Variants in RAPH1 observed in about 807,000 individuals in gnomAD.
RAPH1 encodes the protein ras-associated and pleckstrin homology domains-containing protein 1.
RAPH1 carries 18 observed loss-of-function variants against 88.1 expected under a neutral mutation model. The observed-to-expected ratio is 0.20, with a 90% confidence interval of 0.14 to 0.30. The LOEUF is 0.30. Ranked by LOEUF, RAPH1 falls within the 10% of genes least tolerant of loss-of-function variation. The pLI is 1.00. For missense variants in RAPH1, 1,448 were observed against 1,543.2 expected (o/e 0.94, Z 1.03); for synonymous variants, 587 against 559.0 (o/e 1.05, Z -0.71).
chr2:203,520,970 C>T (rs1689840463), intron 1 of RAPH1, among the ~76,000 whole-genome samples: 1 of 152,178 alleles, frequency 6.6e-6, no homozygotes, highest in Non-Finnish European at 1.5e-5. Context: ...AAAATCGGCT[C>T]ATTCTGATAA....
At chr2:203,509,199 T>C (rs1689224914) in intron 1 of RAPH1, among the ~76,000 whole-genome samples, 1 of 150,998 alleles carries the variant, frequency 6.6e-6, no homozygotes, top group Non-Finnish European at 1.5e-5. Context: ...GCCTCCTGAG[T>C]AGCTGGGATT....
At chr2:203,457,638 AAAG>A (rs748218078) in intron 7 of RAPH1, 43 bp from the exon 8 acceptor site, 34 of 1,369,924 alleles carry the variant, frequency 2.5e-5, no homozygotes, top group Non-Finnish European at 3.1e-5. Context: ...GGAGAGAAAA[AAAG>A]AAGGTTAAAG....
intron 4 of RAPH1, among the ~76,000 whole-genome samples, chr2:203,473,192 AG>A (rs963632723): frequency 2.2e-4 from 34 of 152,346 alleles, no homozygotes; most frequent in Admixed American, 5.9e-4. Flanking sequence ...AGGCTCAGAT[AG>A]GAGGACCACT....
intron 4 of RAPH1, among the ~76,000 whole-genome samples, chr2:203,469,173 A>G (rs1195759437): frequency 6.6e-6 from 1 of 152,202 alleles, no homozygotes; most frequent in Non-Finnish European, 1.5e-5. Context: ...AGCTGAAGAT[A>G]CAAGTGTGGA....
In RAPH1 at chr2:203,438,053, C is replaced by T. The variant is rs1182054446; in HGVS notation, c.*1384G>A. On this transcript the variant is annotated 3_prime_UTR_variant, in exon 14 of 14. Coordinates refer to ENST00000319170, the MANE Select transcript of RAPH1 (RefSeq NM_213589.3). Reference sequence around the variant, plus strand: ...AGAAGTATAGTGTGTCGTTAGAGCACTGACTCCACGTTATACCAAACTGCA... The same window carrying T: ...AGAAGTATAGTGTGTCGTTAGAGCATTGACTCCACGTTATACCAAACTGCA... The T allele has an allele frequency of 2.1e-6, 1 of 472,158 alleles. No homozygotes were observed. Among genetic ancestry groups the T allele is most frequent in the African/African-American group, 2.0e-5 (1 of 50,816 alleles). The allele number at this position is 472,158 out of a possible 1,614,324, so 29.2% of individuals were successfully genotyped here.
At chr2:203,499,426 A>AC (rs201270124) in intron 1 of RAPH1, among the ~76,000 whole-genome samples, 16 of 149,260 alleles carry the variant, frequency 1.1e-4, no homozygotes, top group Admixed American at 4.7e-4. Flanking sequence ...AACAGCAACA[A>AC]AAAAAAAAAA....
Position 203,461,848 on chromosome 2 carries a change from CT to C in RAPH1, c.809del (p.Lys270SerfsTer3). Reference sequence around the variant, plus strand: ...AACCAGGAAGAGGCCCACATATCACCTTTTTCACTTGTGCCTCTTTAATTTT... The same window carrying C: ...AACCAGGAAGAGGCCCACATATCACCTTTTCACTTGTGCCTCTTTAATTTT... Reference protein sequence around the residue: ...LEKIKEAQVKKLVIRVHMSDD... With the variant: ...LEKIKEAQVKXLVIRVHMSDD... On this transcript the variant is annotated frameshift_variant and splice_region_variant, in exon 5 of 14. Coordinates refer to ENST00000319170, the MANE Select transcript of RAPH1 (RefSeq NM_213589.3). LOFTEE classifies it high-confidence loss of function. 4 of 1,601,758 alleles carry C rather than the reference CT, an allele frequency of 2.5e-6. No homozygotes were observed. The highest frequency in any genetic ancestry group is 1.3e-5 in the African/African-American group (1 of 74,480).
chr2:203,523,386 C>A, intron 1 of RAPH1, among the ~76,000 whole-genome samples: 1 of 141,356 alleles, frequency 7.1e-6, no homozygotes. Context: ...GAGCGAGACT[C>A]TGTCTCAAAA....
At chr2:203,526,070 ATTT>A (rs1690101445) in intron 1 of RAPH1, among the ~76,000 whole-genome samples, 1 of 152,174 alleles carries the variant, frequency 6.6e-6, no homozygotes, top group African/African-American at 2.4e-5. Flanking sequence ...TAAATACTTA[ATTT>A]TTTATTTTTA....
At chr2:203,525,009 CATCT>C (rs907645888) in intron 1 of RAPH1, among the ~76,000 whole-genome samples, 2 of 152,122 alleles carry the variant, frequency 1.3e-5, no homozygotes, top group Non-Finnish European at 2.9e-5. Context: ...AAAGGAGGAA[CATCT>C]ATCTAAATGG....
chr2:203,478,225 G>A (rs1017947356), intron 4 of RAPH1, among the ~76,000 whole-genome samples: 2 of 151,832 alleles, frequency 1.3e-5, no homozygotes, highest in Non-Finnish European at 2.9e-5. Context: ...TAGTAGAGAC[G>A]GGGTTTCACA....
At chr2:203,450,512 T>C (rs1014209534) in intron 10 of RAPH1, among the ~76,000 whole-genome samples, 5 of 152,214 alleles carry the variant, frequency 3.3e-5, no homozygotes, top group Non-Finnish European at 7.3e-5. Context: ...CAGAGAAGTA[T>C]GTATTCTTCT....
rs2098498710 is a variant in RAPH1, at chr2:203,436,582, CTAAT to C, written c.*2851_*2854del. ...TCCATAGTAGAAATTAGGAGTGTCA[CTAAT>C]TAAGCAAGTCACTACCTCTAATAAG... On this transcript the variant is annotated 3_prime_UTR_variant, in exon 14 of 14. Transcript: ENST00000319170. 1 of 152,212 alleles carries C rather than the reference CTAAT, an allele frequency of 6.6e-6. No homozygotes were observed. Among genetic ancestry groups the C allele is most frequent in the African/African-American group, 2.4e-5 (1 of 41,456 alleles). 9.4% of individuals were successfully genotyped at this position (152,212 alleles called of 1,614,324 possible). A position where few individuals can be genotyped will look rare whatever the true frequency, so the allele number is the denominator to read the frequency against.
intron 4 of RAPH1, among the ~76,000 whole-genome samples, chr2:203,465,639 G>C (rs976058100): frequency 1.3e-5 from 2 of 152,188 alleles, no homozygotes; most frequent in Non-Finnish European, 1.5e-5. Context: ...TGTAATCCCA[G>C]CACTTTGAGA....
intron 13 of RAPH1, chr2:203,443,390 A>C (rs756195057): frequency 2.0e-5 from 3 of 152,184 alleles, no homozygotes; most frequent in Non-Finnish European, 4.4e-5. Context: ...GCCAGGACAC[A>C]TCCTTGCCTA....
chr2:203,465,021 C>T (rs1047284355), intron 4 of RAPH1, among the ~76,000 whole-genome samples: 3 of 152,206 alleles, frequency 2.0e-5, no homozygotes, highest in Non-Finnish European at 2.9e-5. Context: ...ACAATAGGAA[C>T]TCTCATTCAT....
At chr2:203,511,209 G>A (rs565587405) in intron 1 of RAPH1, among the ~76,000 whole-genome samples, 91 of 151,138 alleles carry the variant, frequency 6.0e-4, no homozygotes, top group Non-Finnish European at 8.7e-4. Flanking sequence ...TGCAAATTTC[G>A]ACTTTTTTCT....
intron 7 of RAPH1, among the ~76,000 whole-genome samples, chr2:203,459,008 C>G (rs2098522153): frequency 6.6e-6 from 1 of 151,938 alleles, no homozygotes; most frequent in Admixed American, 6.6e-5. Context: ...GTGATCCATC[C>G]ACCTCAGACT....
intron 13 of RAPH1, 93 bp downstream of exon 13, chr2:203,444,775 A>G: frequency 1.7e-6 from 2 of 1,197,418 alleles, no homozygotes; most frequent in African/African-American, 3.1e-5. Flanking sequence ...AATAAGGCCA[A>G]ATAAGATCCC....
Sources: allele counts gnomAD v4.1 joint callset (sites outside exome capture counted in the v4.1 genomes callset), GRCh38; gene constraint gnomAD v4.1.1; transcripts MANE v1.5; gene names NCBI Gene and HGNC (gene_info 2026-07-23, HGNC 2026-07-21).